Variants in B3GLCT observed in about 807,000 individuals in gnomAD.
B3GLCT encodes the protein beta-1,3-glucosyltransferase.
In B3GLCT, 65 loss-of-function variants were observed where a neutral mutation model predicts 63.4. The observed-to-expected ratio is 1.03, with a 90% CI of 0.84 to 1.26. The LOEUF is 1.26. Ranked by LOEUF, B3GLCT falls within the 50% of genes most tolerant of loss-of-function variation. The pLI is 0.00. For missense variants in B3GLCT, 577 were observed against 604.8 expected (o/e 0.95, Z 0.48); for synonymous variants, 233 against 219.2 (o/e 1.06, Z -0.55).
At chr13:31,252,603 GAT>G (rs1871485752) in intron 6 of B3GLCT, among the ~76,000 whole-genome samples, 3 of 152,086 alleles carry the variant, frequency 2.0e-5, no homozygotes, top group Admixed American at 1.3e-4. Context: ...AACCAAGAAA[GAT>G]CAAAAGAGAC....
intron 6 of B3GLCT, 93 bp downstream of exon 6, chr13:31,248,059 A>C: frequency 2.8e-6 from 2 of 721,000 alleles, no homozygotes; most frequent in Non-Finnish European, 2.4e-6. Flanking sequence ...TCTAATAAAA[A>C]ACCACTTAGT....
chr13:31,323,902 A>C lies in B3GLCT; in HGVS notation c.1329+7A>C. On this transcript the variant is annotated splice_region_variant and intron_variant, in intron 14 of 14. Transcript: ENST00000343307. Reference sequence around the variant, plus strand: ...CAGCCCTCTCTTCCATCAGGTGAGGAAATGGTTTTTATTCTTCCCTCATGG... The same window carrying C: ...CAGCCCTCTCTTCCATCAGGTGAGGCAATGGTTTTTATTCTTCCCTCATGG... 1 of 1,614,040 alleles carries C rather than the reference A, an allele frequency of 6.2e-7. No homozygotes were observed. Among genetic ancestry groups the C allele is most frequent in the Non-Finnish European group, 8.5e-7 (1 of 1,179,944 alleles).
At position 31,295,958 on chromosome 13, in the gene B3GLCT, A is replaced by G. The variant is rs570805657; in HGVS notation, c.1064+9139A>G. On this transcript the variant is annotated intron_variant, in intron 12 of 14. Transcript: ENST00000343307. Reference sequence around the variant, plus strand: ...CCTGGTGGTATAGGTACCTGAGGGAATATCCTGGTCTGCAGGTTGTGAAGA... The same window carrying G: ...CCTGGTGGTATAGGTACCTGAGGGAGTATCCTGGTCTGCAGGTTGTGAAGA... 1.7e-4 allele frequency among the ~76,000 whole-genome samples: 26 copies of G among 152,314 alleles called. No individual in the cohort carries two copies. The South Asian group carries it at 4.6e-3, about 27-fold the overall frequency.
intron 6 of B3GLCT, among the ~76,000 whole-genome samples, chr13:31,252,474 A>G (rs1461170464): frequency 6.6e-6 from 1 of 152,204 alleles, no homozygotes; most frequent in Non-Finnish European, 1.5e-5. Flanking sequence ...TGGGAGACCC[A>G]TCTCATGTGC....
chr13:31,318,583 A>G (rs982885606), intron 13 of B3GLCT, among the ~76,000 whole-genome samples: 13 of 152,306 alleles, frequency 8.5e-5, no homozygotes, highest in African/African-American at 3.1e-4. Context: ...TTGTTAGACG[A>G]TGGCTTGCAT....
At chr13:31,308,984 A>G (rs947094355) in intron 12 of B3GLCT, among the ~76,000 whole-genome samples, 1 of 152,158 alleles carries the variant, frequency 6.6e-6, no homozygotes, top group Non-Finnish European at 1.5e-5. Context: ...AAGGGATTGA[A>G]TAGTTTGCTT....
chr13:31,302,070 C>T (rs1386977577), intron 12 of B3GLCT, among the ~76,000 whole-genome samples: 1 of 152,170 alleles, frequency 6.6e-6, no homozygotes, highest in African/African-American at 2.4e-5. Flanking sequence ...TCCTTTGACT[C>T]TCCCCTCTCC....
chr13:31,290,970 C>A (rs570269162), intron 12 of B3GLCT, among the ~76,000 whole-genome samples: 1 of 152,258 alleles, frequency 6.6e-6, no homozygotes, highest in South Asian at 2.1e-4. Flanking sequence ...CCTAGGTGTT[C>A]TTCTAGACTC....
At chr13:31,260,821 A>G (rs926425755) in intron 6 of B3GLCT, 125 bp from the exon 7 acceptor site, 1 of 827,690 alleles carries the variant, frequency 1.2e-6, no homozygotes, top group African/African-American at 1.7e-5. Context: ...AGAAATATTT[A>G]ATCTGTGCTA....
intron 6 of B3GLCT, among the ~76,000 whole-genome samples, chr13:31,252,783 G>A (rs961949704): frequency 1.3e-5 from 2 of 152,142 alleles, no homozygotes; most frequent in African/African-American, 4.8e-5. Context: ...ACACCCCACT[G>A]TCAGTATTAG....
At chr13:31,318,321 G>C (rs1312370809) in intron 13 of B3GLCT, among the ~76,000 whole-genome samples, 2 of 152,142 alleles carry the variant, frequency 1.3e-5, no homozygotes, top group Non-Finnish European at 2.9e-5. Flanking sequence ...GATATTTGTT[G>C]CATGTCTTCT....
At chr13:31,268,101 C>T (rs1397162930) in intron 7 of B3GLCT, among the ~76,000 whole-genome samples, 1 of 152,156 alleles carries the variant, frequency 6.6e-6, no homozygotes, top group East Asian at 1.9e-4. Context: ...CTGCCTTTGC[C>T]TCCCAAAGTG....
intron 8 of B3GLCT, among the ~76,000 whole-genome samples, chr13:31,273,156 A>G (rs981965285): frequency 1.3e-5 from 2 of 152,176 alleles, no homozygotes; most frequent in South Asian, 4.1e-4. Context: ...ATGCAGTGGC[A>G]TGATCTTGGC....
At chr13:31,271,586 C>T (rs547363504) in intron 8 of B3GLCT, among the ~76,000 whole-genome samples, 1 of 152,130 alleles carries the variant, frequency 6.6e-6, no homozygotes, top group Admixed American at 6.5e-5. Flanking sequence ...TGATTTCTAA[C>T]AGTATTATTG....
chr13:31,248,142 T>G (rs1351216550), intron 6 of B3GLCT, among the ~76,000 whole-genome samples, 176 bp downstream of exon 6: 1 of 152,220 alleles, frequency 6.6e-6, no homozygotes, highest in African/African-American at 2.4e-5. Context: ...AGTTTGTAGC[T>G]TATAGAGGGA....
intron 1 of B3GLCT, among the ~76,000 whole-genome samples, chr13:31,207,241 T>C (rs78029374): frequency 1.4e-3 from 218 of 152,354 alleles, no homozygotes; most frequent in African/African-American, 5.1e-3. Flanking sequence ...GACAGTTAAC[T>C]GTTCCATAGT....
chr13:31,261,038 A>T lies in B3GLCT; in HGVS notation c.552A>T (p.Pro184=). ...FSENPTVFKY[P]DFAAGWALSI... ...AGAATCCTACAGTTTTTAAGTATCC[A>T]GACTTTGCTGCAGGCTGGGCCTTAA... Residue 184 remains proline, a synonymous_variant, in exon 7 of 15, where the codon CCA becomes CCT. Transcript: ENST00000343307. 6.2e-7 allele frequency: 1 copy of T among 1,614,060 alleles called. No individual in the cohort carries two copies. Among genetic ancestry groups the T allele is most frequent in the Non-Finnish European group, 8.5e-7 (1 of 1,179,996 alleles).
chr13:31,242,797 GTAA>G (rs1180371696), intron 4 of B3GLCT, among the ~76,000 whole-genome samples: 3 of 152,170 alleles, frequency 2.0e-5, no homozygotes, highest in Admixed American at 2.0e-4. Context: ...AAATAATGAG[GTAA>G]TATTTTATCT....
chr13:31,202,049 A>G (rs1344685154), intron 1 of B3GLCT, among the ~76,000 whole-genome samples: 2 of 152,218 alleles, frequency 1.3e-5, no homozygotes, highest in African/African-American at 4.8e-5. Flanking sequence ...ACCGACACGT[A>G]TAAAGATGTC....
Sources: gnomAD v4.1 joint callset for allele counts (sites outside exome capture counted in the v4.1 genomes callset) on GRCh38, gnomAD v4.1.1 for gene constraint, MANE v1.5 for transcripts, NCBI Gene and HGNC (gene_info 2026-07-23, HGNC 2026-07-21) for gene names.